Variants in TFEC observed in about 807,000 individuals in gnomAD.
The protein encoded by TFEC is transcription factor EC, also known as class E basic helix-loop-helix protein 34.
TFEC carries 31 observed loss-of-function variants against 41.6 expected under a neutral mutation model. The observed-to-expected ratio is 0.74, with a 90% CI of 0.56 to 1.01. TFEC has a LOEUF of 1.01. TFEC is among the 50% of genes least tolerant of loss of function. The pLI is 0.00. For synonymous variants in TFEC, 143 were observed against 140.6 expected, an observed-to-expected ratio of 1.02 and a Z score of -0.12; for missense variants, 402 against 404.1, an observed-to-expected ratio of 0.99 and a Z score of 0.04.
At chr7:116,081,627 A>C (rs535634479) in intron 3 of TFEC, among the ~76,000 whole-genome samples, 1 of 152,158 alleles carries the variant, frequency 6.6e-6, no homozygotes, top group South Asian at 2.1e-4. Flanking sequence ...GTCTTCCTAA[A>C]GCATGTGCTC....
chr7:116,002,733 C>CATGTGATT (rs1794645306), intron 1 of TFEC, among the ~76,000 whole-genome samples: 1 of 152,046 alleles, frequency 6.6e-6, no homozygotes. Flanking sequence ...AATTTACCCT[C>CATGTGATT]ATGTGATTAT....
chr7:116,025,598 C>A (rs552325613), intron 1 of TFEC, among the ~76,000 whole-genome samples: 16 of 152,152 alleles, frequency 1.1e-4, no homozygotes, highest in African/African-American at 3.6e-4. Context: ...AATACACACA[C>A]ACAGACAGAC....
At chr7:115,966,937 A>G (rs536544961) in intron 3 of TFEC, among the ~76,000 whole-genome samples, 2 of 151,586 alleles carry the variant, frequency 1.3e-5, no homozygotes, top group African/African-American at 4.8e-5. Flanking sequence ...CTTGCAATAC[A>G]TTTTCTAATT....
intron 1 of TFEC, among the ~76,000 whole-genome samples, chr7:116,156,738 G>A (rs931864619): frequency 7.2e-5 from 11 of 152,128 alleles, no homozygotes; most frequent in African/African-American, 2.4e-4. Flanking sequence ...TATGAATAGA[G>A]CCCAGAATGT....
intron 3 of TFEC, among the ~76,000 whole-genome samples, chr7:116,082,900 C>A (rs1797122702): frequency 1.3e-5 from 2 of 151,830 alleles, no homozygotes; most frequent in South Asian, 4.1e-4. Flanking sequence ...ACTAAATCTC[C>A]AACTCAGTCT....
At chr7:116,093,023 T>C (rs557668997) in intron 3 of TFEC, among the ~76,000 whole-genome samples, 1 of 152,270 alleles carries the variant, frequency 6.6e-6, no homozygotes, top group African/African-American at 2.4e-5. Context: ...TTTACAAAGG[T>C]GAAGGGACTT....
At chr7:116,044,355 C>T (rs6978514) in intron 3 of TFEC, among the ~76,000 whole-genome samples, 93,370 of 152,008 alleles carry the variant, frequency 0.61, 29,220 homozygotes, top group East Asian at 0.74. Flanking sequence ...GGAGTGGGCA[C>T]GTGCTCTTAC....
chr7:116,084,303 T>C (rs1291803153), intron 3 of TFEC, among the ~76,000 whole-genome samples: 1 of 151,908 alleles, frequency 6.6e-6, no homozygotes, highest in Non-Finnish European at 1.5e-5. Context: ...TCGAATTTAT[T>C]TCATGATATA....
chr7:116,097,258 C>G (rs1308440508), intron 3 of TFEC, among the ~76,000 whole-genome samples: 1 of 151,966 alleles, frequency 6.6e-6, no homozygotes, highest in Non-Finnish European at 1.5e-5. Context: ...CCCCCTTTAT[C>G]CATGGGAGGA....
intron 3 of TFEC, among the ~76,000 whole-genome samples, chr7:116,104,531 C>T (rs1797673263): frequency 6.6e-6 from 1 of 152,140 alleles, no homozygotes; most frequent in African/African-American, 2.4e-5. Flanking sequence ...CCGAACCATG[C>T]ATTCCTTACA....
intron 3 of TFEC, among the ~76,000 whole-genome samples, chr7:116,105,550 G>C (rs1797698015): frequency 6.6e-6 from 1 of 152,130 alleles, no homozygotes; most frequent in African/African-American, 2.4e-5. Flanking sequence ...GTCTAGCCTG[G>C]GCTCTGTGGG....
At chr7:116,055,391 T>G (rs914774231) in intron 3 of TFEC, among the ~76,000 whole-genome samples, 2 of 151,968 alleles carry the variant, frequency 1.3e-5, no homozygotes, top group Non-Finnish European at 2.9e-5. Flanking sequence ...GACAAAATCA[T>G]GAAAGATAGG....
intron 3 of TFEC, among the ~76,000 whole-genome samples, chr7:116,093,687 C>A (rs1797380729): frequency 6.6e-6 from 1 of 152,072 alleles, no homozygotes; most frequent in African/African-American, 2.4e-5. Context: ...ATAGACAAAT[C>A]CCTGTCTTCT....
intron 1 of TFEC, among the ~76,000 whole-genome samples, chr7:116,023,156 T>C (rs2130862019): frequency 6.6e-6 from 1 of 152,014 alleles, no homozygotes; most frequent in South Asian, 2.1e-4. Context: ...CTATTAGGCC[T>C]CTGAAGTTAT....
chr7:116,009,761 T>C (rs111607573), intron 1 of TFEC, among the ~76,000 whole-genome samples: 4,025 of 152,266 alleles, frequency 0.026, 69 homozygotes, highest in Non-Finnish European at 0.038. Context: ...CTATATACGA[T>C]AGGCACTTGA....
chr7:115,973,399 T>C (rs1334320860), intron 3 of TFEC, among the ~76,000 whole-genome samples: 2 of 151,996 alleles, frequency 1.3e-5, no homozygotes, highest in African/African-American at 4.8e-5. Flanking sequence ...TTAAATTAAA[T>C]ATTTAAAGTA....
At chr7:116,112,154 G>GTA in intron 1 of TFEC, 1 of 370,082 alleles carries the variant, frequency 2.7e-6, no homozygotes, top group Non-Finnish European at 3.7e-6. Flanking sequence ...GATGTTCAAT[G>GTA]TGATAAGTTG....
chr7:116,140,055 T>G (rs761292704), intron 1 of TFEC, among the ~76,000 whole-genome samples: 13 of 152,228 alleles, frequency 8.5e-5, no homozygotes, highest in Non-Finnish European at 1.3e-4. Context: ...AATATCATCA[T>G]AGCAGGTTAA....
At chr7:116,104,285 C>CATTTAACTGGGAAGTTAA (rs1302601453) in intron 3 of TFEC, among the ~76,000 whole-genome samples, 6 of 152,066 alleles carry the variant, frequency 3.9e-5, no homozygotes, top group African/African-American at 1.4e-4. Flanking sequence ...TTCAGTGAGC[C>CATTTAACTGGGAAGTTAA]ATTTTCCTCC....
Sources: gnomAD v4.1 joint callset for allele counts (sites outside exome capture counted in the v4.1 genomes callset) on GRCh38, gnomAD v4.1.1 for gene constraint, MANE v1.5 for transcripts, NCBI Gene and HGNC (gene_info 2026-07-23, HGNC 2026-07-21) for gene names.